Variants in KITLG observed in about 807,000 individuals in gnomAD.
KITLG encodes the protein c-Kit ligand.
In KITLG, 13 loss-of-function variants were observed where a neutral mutation model predicts 34.1. The observed-to-expected ratio is 0.38, with a 90% CI of 0.25 to 0.61. KITLG has a LOEUF of 0.61. Among genes scored for constraint, KITLG ranks in the 20% least tolerant of loss-of-function variants. The probability of loss-of-function intolerance (pLI) is 0.60; values close to 1 mark genes in which losing one functional copy is unlikely to be tolerated. For missense variants in KITLG, 292 were observed against 318.9 expected (o/e 0.92, Z 0.64); for synonymous variants, 110 against 104.0 (o/e 1.06, Z -0.35).
At chr12:88,530,351 C>A (rs74323079) in intron 3 of KITLG, among the ~76,000 whole-genome samples, 12,849 of 152,096 alleles carry the variant, frequency 0.084, 572 homozygotes, top group Non-Finnish European at 0.1. Context: ...AATACTTTTG[C>A]GCTGTAAAGC....
intron 1 of KITLG, among the ~76,000 whole-genome samples, chr12:88,547,196 C>T (rs1018896089): frequency 3.3e-5 from 5 of 152,016 alleles, no homozygotes; most frequent in Non-Finnish European, 2.9e-5. Flanking sequence ...ACATAGCTAG[C>T]CATATTAAAA....
intron 6 of KITLG, among the ~76,000 whole-genome samples, chr12:88,514,512 TC>T (rs1331852429): frequency 6.6e-6 from 1 of 151,662 alleles, no homozygotes; most frequent in African/African-American, 2.4e-5. Flanking sequence ...GAAGATTCTG[TC>T]CTGCACATAA....
chr12:88,513,522 T>C (rs979322913), intron 6 of KITLG, among the ~76,000 whole-genome samples: 1 of 151,678 alleles, frequency 6.6e-6, no homozygotes, highest in Admixed American at 6.6e-5. Context: ...GTATGTTGTC[T>C]ACTAGAGATG....
intron 3 of KITLG, among the ~76,000 whole-genome samples, chr12:88,530,080 T>G (rs1260947562): frequency 6.6e-6 from 1 of 152,174 alleles, no homozygotes. Context: ...AAATTCTATT[T>G]AGTTGTTTTC....
At chr12:88,527,053 A>G (rs1869899434) in intron 3 of KITLG, among the ~76,000 whole-genome samples, 1 of 151,928 alleles carries the variant, frequency 6.6e-6, no homozygotes, top group Non-Finnish European at 1.5e-5. Context: ...TATTTTTAGT[A>G]TAGACGGGGT....
At chr12:88,547,017 G>A (rs1431423703) in intron 1 of KITLG, among the ~76,000 whole-genome samples, 1 of 152,162 alleles carries the variant, frequency 6.6e-6, no homozygotes, top group Non-Finnish European at 1.5e-5. Flanking sequence ...TGCAAGGGCT[G>A]ACAAAGAAAA....
At chr12:88,546,432 T>C (rs990931710) in intron 1 of KITLG, among the ~76,000 whole-genome samples, 26 of 152,256 alleles carry the variant, frequency 1.7e-4, no homozygotes, top group African/African-American at 6.0e-4. Flanking sequence ...TTAAGGAAAA[T>C]ATTTCCTTAG....
intron 6 of KITLG, among the ~76,000 whole-genome samples, chr12:88,508,522 G>T (rs1869153229): frequency 6.6e-6 from 1 of 151,954 alleles, no homozygotes. Context: ...TTTCCAAGGA[G>T]ACTCTAATGA....
chr12:88,536,470 C>T (rs553044787), intron 2 of KITLG, among the ~76,000 whole-genome samples: 10 of 152,244 alleles, frequency 6.6e-5, no homozygotes, highest in South Asian at 4.1e-4. Context: ...TTTGACCCAG[C>T]GATCCCATTA....
At chr12:88,538,254 C>T (rs1431116820) in intron 2 of KITLG, among the ~76,000 whole-genome samples, 1 of 151,814 alleles carries the variant, frequency 6.6e-6, no homozygotes, top group Admixed American at 6.6e-5. Context: ...TCCAGGAAAA[C>T]TGCCTTTGAG....
rs1314536661 is a variant in KITLG, at chr12:88,534,739, A to T, written c.130-2236T>A. On this transcript the variant is annotated intron_variant, in intron 2 of 9. Coordinates refer to ENST00000644744, the MANE Select transcript of KITLG (RefSeq NM_000899.5). ...TTTTTGTTCATTTATTTTTGGCGTTAACTCCCTTATTCTTTACACTTAACT... is the reference window on the plus strand; with the variant it reads ...TTTTTGTTCATTTATTTTTGGCGTTTACTCCCTTATTCTTTACACTTAACT... 5 of 510,318 alleles carry T rather than the reference A, an allele frequency of 9.8e-6. No individual in the cohort carries two copies. In the Admixed American group the frequency reaches 1.0e-4, roughly 10 times the overall value. The allele number at this position is 510,318 out of a possible 1,614,324, so 31.6% of individuals were successfully genotyped here.
intron 3 of KITLG, 124 bp downstream of exon 3, chr12:88,532,317 T>A: frequency 2.6e-6 from 2 of 774,970 alleles, no homozygotes; most frequent in East Asian, 2.5e-5. Flanking sequence ...ATTCCAAAGA[T>A]AAATTCTTCA....
chr12:88,579,376 G>T (rs977951491), intron 1 of KITLG, among the ~76,000 whole-genome samples: 3 of 152,062 alleles, frequency 2.0e-5, no homozygotes, highest in Non-Finnish European at 4.4e-5. Flanking sequence ...AGTGAGAGGA[G>T]GTAACAATCA....
chr12:88,502,877 G>A, intron 9 of KITLG, among the ~76,000 whole-genome samples: 1 of 144,038 alleles, frequency 6.9e-6, no homozygotes, highest in African/African-American at 2.6e-5. Context: ...TGAGAGAACT[G>A]AAATGGCTGT....
chr12:88,501,537 T>C (rs1868856217), intron 9 of KITLG, among the ~76,000 whole-genome samples: 1 of 152,186 alleles, frequency 6.6e-6, no homozygotes, highest in Non-Finnish European at 1.5e-5. Flanking sequence ...ATCTAGGAAC[T>C]AGACTTAAGA....
chr12:88,571,750 C>A (rs916071641), intron 1 of KITLG, among the ~76,000 whole-genome samples: 2 of 152,164 alleles, frequency 1.3e-5, no homozygotes, highest in African/African-American at 4.8e-5. Flanking sequence ...CTATTACTGG[C>A]AGCTTTTTTG....
intron 1 of KITLG, among the ~76,000 whole-genome samples, chr12:88,572,560 T>C (rs1488425218): frequency 4.1e-5 from 6 of 145,370 alleles, no homozygotes; most frequent in Non-Finnish European, 9.0e-5. Context: ...AGAATAAATA[T>C]AAATATGTAC....
At chr12:88,510,617 C>T (rs1051903651) in intron 6 of KITLG, among the ~76,000 whole-genome samples, 1 of 152,118 alleles carries the variant, frequency 6.6e-6, no homozygotes, top group Non-Finnish European at 1.5e-5. Flanking sequence ...AAACATAAAA[C>T]ATCTTTTAAA....
Position 88,532,473 on chromosome 12 carries a change from T to C in KITLG, c.160A>G (p.Thr54Ala), listed in dbSNP as rs3741457. 1,325 of 1,610,896 alleles carry C rather than the reference T, an allele frequency of 8.2e-4. 19 individuals are homozygous for C. In the East Asian group the frequency reaches 0.028, roughly 34 times the overall value. The change falls in exon 3 of 10, where the codon ACC becomes GCC. Residue 54 changes from threonine to alanine, a missense_variant. This residue lies in a region of KITLG where 152 missense variants were observed against 207.9 expected (regional missense o/e 0.73). Transcript: ENST00000644744. Reference sequence around the variant, plus strand: ...TCCATCCCGGGGACATATTTGAGGGTTATCATGTAGTCTTTTGGAAGATTT... The same window carrying C: ...TCCATCCCGGGGACATATTTGAGGGCTATCATGTAGTCTTTTGGAAGATTT... ...VANLPKDYMITLKYVPGMDVL... is the reference protein window; with the variant it reads ...VANLPKDYMIALKYVPGMDVL...
Sources: allele counts gnomAD v4.1 joint callset (sites outside exome capture counted in the v4.1 genomes callset), GRCh38; gene constraint gnomAD v4.1.1; regional missense constraint gnomAD v4.1.1; transcripts MANE v1.5; gene names NCBI Gene and HGNC (gene_info 2026-07-23, HGNC 2026-07-21).